Variants in GHITM observed in about 807,000 individuals in gnomAD.
GHITM encodes growth hormone inducible transmembrane protein, also known as growth hormone-inducible transmembrane protein.
A neutral mutation model predicts 38.7 loss-of-function variants in GHITM; 24 were observed. The ratio of observed to expected loss-of-function variants is 0.62; its 90% CI spans 0.45 to 0.87. GHITM has a LOEUF of 0.87. Among genes scored for constraint, GHITM ranks in the 40% least tolerant of loss-of-function variants. The pLI, the probability that GHITM is intolerant of heterozygous loss-of-function variation, is 0.00. For synonymous variants in GHITM, 154 were observed against 147.8 expected (o/e 1.04, Z -0.30); for missense variants, 420 against 429.8 (o/e 0.98, Z 0.20).
rs1238000009 is a variant in GHITM, at chr10:84,152,625, C to A, written c.*277C>A. On this transcript the variant is annotated 3_prime_UTR_variant, in exon 9 of 9. Transcript: ENST00000372134. ...TGAATGTGAAAACTAAAGTTTGTGT[C>A]ATGAGAATGTAAGTCTTTTTTCTAC... 1 of 304,756 alleles carries A rather than the reference C, an allele frequency of 3.3e-6. No individual in the cohort carries two copies. Among genetic ancestry groups the A allele is most frequent in the African/African-American group, 2.2e-5 (1 of 46,268 alleles). 18.9% of individuals were successfully genotyped at this position (304,756 alleles called of 1,614,324 possible).
Position 84,150,791 on chromosome 10 carries a change from C to A in GHITM, c.864C>A (p.Ser288Arg). 1 of 1,612,018 alleles carries A rather than the reference C, an allele frequency of 6.2e-7. No individual in the cohort carries two copies. Among genetic ancestry groups the A allele is most frequent in the Non-Finnish European group, 8.5e-7 (1 of 1,178,146 alleles). The part of the protein sequence containing the change: ...VAMYGGLVLF[S>R]MFLLYDTQKV... ...TGTACGGTGGATTAGTTCTTTTCAG[C>A]ATGTTCCTTCTGTATGATACCCAGA... The change falls in exon 8 of 9, where the codon AGC becomes AGA. Residue 288 changes from serine to arginine, a missense_variant. Coordinates refer to ENST00000372134, the MANE Select transcript of GHITM (RefSeq NM_014394.3).
At chr10:84,141,005 T>C (rs1841500842) in intron 1 of GHITM, among the ~76,000 whole-genome samples, 1 of 152,254 alleles carries the variant, frequency 6.6e-6, no homozygotes. Context: ...CAGTATAACC[T>C]TGAAGAGCTA....
Position 84,144,992 on chromosome 10 carries a change from C to T in GHITM, c.459C>T (p.Asn153=), listed in dbSNP as rs1318010992. The change falls in exon 5 of 9, where the codon AAC becomes AAT. Residue 153 remains asparagine (N), a synonymous_variant. Coordinates refer to ENST00000372134, the MANE Select transcript of GHITM (RefSeq NM_014394.3). Reference sequence around the variant, plus strand: ...TCAGCAGAACGCCTGTTCTCATGAACTTCATGATGAGAGGCTCTTGGGTGG... The same window carrying T: ...TCAGCAGAACGCCTGTTCTCATGAATTTCATGATGAGAGGCTCTTGGGTGG... ...IAISRTPVLM[N]FMMRGSWVTI... is the part of the protein sequence containing the mutation. The T allele has an allele frequency of 1.2e-6, 2 of 1,609,822 alleles. No homozygotes were observed. The highest frequency in any genetic ancestry group is 1.7e-6 in the Non-Finnish European group (2 of 1,177,600).
intron 8 of GHITM, 28 bp from the exon 9 acceptor site, chr10:84,152,236 A>G (rs1312161793): frequency 9.7e-7 from 1 of 1,031,528 alleles, no homozygotes. Context: ...ATTGCATCAT[A>G]TATAATGGGC....
chr10:84,140,474 G>A (rs1344322316), intron 1 of GHITM: 2 of 152,150 alleles, frequency 1.3e-5, no homozygotes, highest in African/African-American at 4.8e-5. Context: ...GATGCATCCG[G>A]GGCACTTTCA....
intron 5 of GHITM, among the ~76,000 whole-genome samples, chr10:84,148,298 A>T (rs4501936): frequency 0.018 from 2,263 of 124,554 alleles, 67 homozygotes; most frequent in African/African-American, 0.096. Flanking sequence ...TTTATTTTTT[A>T]TTTTTTTATT....
chr10:84,146,874 T>C (rs925414307), intron 5 of GHITM, among the ~76,000 whole-genome samples: 9 of 152,176 alleles, frequency 5.9e-5, no homozygotes, highest in African/African-American at 2.2e-4. Flanking sequence ...GACATATATA[T>C]ACAAACACAC....
In GHITM at chr10:84,144,838, G is replaced by A. The variant is rs771232103; in HGVS notation, c.342-37G>A. On this transcript the variant is annotated intron_variant, in intron 4 of 8. Coordinates refer to ENST00000372134, the MANE Select transcript of GHITM (RefSeq NM_014394.3). ...TGTGACTCAACCAGAAATCAAATCT[G>A]TAATTTCATAGATTAATCATGTCAT... The A allele has an allele frequency of 7.4e-6, 11 of 1,489,778 alleles. No homozygotes were observed. The Middle Eastern group carries it at 5.3e-4, about 72-fold the overall frequency. The allele number at this position is 1,489,778 out of a possible 1,614,324, so 92.3% of individuals were successfully genotyped here.
intron 5 of GHITM, among the ~76,000 whole-genome samples, chr10:84,147,989 C>A (rs1216938600): frequency 6.6e-6 from 1 of 152,068 alleles, no homozygotes; most frequent in East Asian, 1.9e-4. Context: ...TTAAAAATTA[C>A]TAATTTGTAA....
At chr10:84,148,561 G>C (rs1426925447) in intron 5 of GHITM, among the ~76,000 whole-genome samples, 169 bp from the exon 6 acceptor site, 3 of 152,230 alleles carry the variant, frequency 2.0e-5, no homozygotes, top group Non-Finnish European at 4.4e-5. Flanking sequence ...CTCCCAAAGT[G>C]CTGGGATTGC....
rs1316088714 is a variant in GHITM, at chr10:84,150,197, T to C, written c.735T>C (p.Gly245=). The part of the protein sequence containing the change: ...CAPSEKFLNM[G]APLGVGLGLV... Reference sequence around the variant, plus strand: ...CCAGTGAAAAGTTTCTGAACATGGGTGCACCCCTGGGAGTGGGCCTGGGTC... The same window carrying C: ...CCAGTGAAAAGTTTCTGAACATGGGCGCACCCCTGGGAGTGGGCCTGGGTC... Residue 245 remains glycine, a synonymous_variant, in exon 7 of 9, where the codon GGT becomes GGC. Transcript: ENST00000372134. 1.2e-6 allele frequency: 2 copies of C among 1,613,406 alleles called. No individual in the cohort carries two copies. The highest frequency in any genetic ancestry group is 4.5e-5 in the East Asian group (2 of 44,874).
intron 3 of GHITM, 31 bp from the exon 4 acceptor site, chr10:84,143,964 A>G (rs770486335): frequency 7.4e-6 from 10 of 1,344,656 alleles, no homozygotes; most frequent in Non-Finnish European, 9.6e-6. Flanking sequence ...ATGTGCCAGT[A>G]CTAACCTGCA....
intron 5 of GHITM, among the ~76,000 whole-genome samples, chr10:84,146,425 G>A (rs994390261): frequency 6.6e-5 from 10 of 152,322 alleles, no homozygotes; most frequent in African/African-American, 2.4e-4. Context: ...TACTGGAGGG[G>A]AAGGAGAGTT....
In GHITM at chr10:84,152,283, G is replaced by A. The variant is rs143660911; in HGVS notation, c.973G>A (p.Asp325Asn). 1.5e-3 allele frequency: 2,365 copies of A among 1,592,864 alleles called. 4 individuals are homozygous for A. The highest frequency in any genetic ancestry group is 5.6e-3 in the Middle Eastern group (34 of 6,028). Residue 325 changes from aspartate (D) to asparagine (N), a missense_variant, in exon 9 of 9, where the codon GAT becomes AAT. Transcript: ENST00000372134. ...TTCTAGGATGCTGAGTATCTACATG[G>A]ATACATTAAATATATTTATGCGAGT... Reference protein sequence around the residue: ...PINSMLSIYMDTLNIFMRVAT... With the variant: ...PINSMLSIYMNTLNIFMRVAT...
intron 2 of GHITM, 44 bp from the exon 3 acceptor site, chr10:84,142,611 G>A: frequency 1.6e-6 from 2 of 1,219,604 alleles, no homozygotes; most frequent in Non-Finnish European, 2.4e-6. Flanking sequence ...TTAACGTTCT[G>A]TTTTCATGTG....
chr10:84,142,209 T>C (rs1301074386), intron 2 of GHITM, among the ~76,000 whole-genome samples: 1 of 152,218 alleles, frequency 6.6e-6, no homozygotes, highest in African/African-American at 2.4e-5. Context: ...TCTTCCCTCT[T>C]CTTGGCTTCA....
rs1161151275 is a variant in GHITM, at chr10:84,148,795, C to T, written c.549C>T (p.Asp183=). ...AGMLVRSIPY[D]QSPGPKHLAW... ...TGCTGGTACGATCAATACCATATGA[C>T]CAGAGCCCAGGCCCAAAGCATCTTG... Residue 183 remains aspartate, a synonymous_variant, in exon 6 of 9, where the codon GAC becomes GAT. Coordinates refer to ENST00000372134, the MANE Select transcript of GHITM (RefSeq NM_014394.3). The T allele has an allele frequency of 6.2e-7, 1 of 1,612,690 alleles. No individual in the cohort carries two copies. Among genetic ancestry groups the T allele is most frequent in the Non-Finnish European group, 8.5e-7 (1 of 1,178,698 alleles).
chr10:84,151,415 A>G (rs1841611188), intron 8 of GHITM, among the ~76,000 whole-genome samples: 1 of 152,206 alleles, frequency 6.6e-6, no homozygotes, highest in African/African-American at 2.4e-5. Flanking sequence ...TCATTCCATT[A>G]TCAGAATATT....
intron 1 of GHITM, among the ~76,000 whole-genome samples, chr10:84,141,234 G>T (rs1005725659): frequency 6.6e-6 from 1 of 152,190 alleles, no homozygotes; most frequent in Admixed American, 6.5e-5. Flanking sequence ...CTTAAACCTA[G>T]TTTGTTCCTC....
Sources: gnomAD v4.1 joint callset for allele counts (sites outside exome capture counted in the v4.1 genomes callset) on GRCh38, gnomAD v4.1.1 for gene constraint, MANE v1.5 for transcripts, NCBI Gene and HGNC (gene_info 2026-07-23, HGNC 2026-07-21) for gene names.